The following ERI1 variants were observed in gnomAD, a reference collection of about 807,000 sequenced individuals.
ERI1 encodes the protein 3'-5' exoribonuclease 1.
In ERI1, 39 loss-of-function variants were observed where a neutral mutation model predicts 39.7. The observed-to-expected ratio is 0.98, with a 90% confidence interval of 0.76 to 1.28. The LOEUF (loss-of-function observed/expected upper bound fraction) is 1.28, where lower values mean the gene tolerates loss of function less well. ERI1 is among the 50% of genes most tolerant of loss of function. ERI1 has a pLI of 0.00. For missense variants in ERI1, 581 were observed against 416.9 expected (o/e 1.39, Z -3.43); for synonymous variants, 204 against 149.6 (o/e 1.36, Z -2.65).
chr8:9,042,209 A>G (rs962664284), intron 3 of ERI1, among the ~76,000 whole-genome samples: 1 of 152,220 alleles, frequency 6.6e-6, no homozygotes, highest in African/African-American at 2.4e-5. Context: ...TGGAGGCTGC[A>G]TTGCCAGAAT....
chr8:9,055,610 G>A (rs570284589), intron 3 of ERI1, among the ~76,000 whole-genome samples: 1 of 152,142 alleles, frequency 6.6e-6, no homozygotes, highest in African/African-American at 2.4e-5. Flanking sequence ...TGCGATCTCG[G>A]CTCACTGCAA....
intron 3 of ERI1, among the ~76,000 whole-genome samples, chr8:9,039,887 G>T (rs747080703): frequency 3.3e-5 from 5 of 152,100 alleles, no homozygotes; most frequent in Non-Finnish European, 7.4e-5. Context: ...AATGATTGTG[G>T]TCAGTTTTTT....
At chr8:9,024,186 CTG>C (rs570740054) in intron 6 of ERI1, among the ~76,000 whole-genome samples, 12 of 152,152 alleles carry the variant, frequency 7.9e-5, no homozygotes, top group East Asian at 1.9e-4. Context: ...AGGCAAATAA[CTG>C]TAATACATTT....
chr8:9,052,002 G>T (rs1173852339), intron 3 of ERI1, among the ~76,000 whole-genome samples: 1 of 152,198 alleles, frequency 6.6e-6, no homozygotes, highest in African/African-American at 2.4e-5. Context: ...TTAAACGGGG[G>T]CATGCCAGCC....
chr8:9,032,342 C>T lies in ERI1; in HGVS notation c.*2308C>T, dbSNP rs188892391. The T allele has an allele frequency of 6.6e-6, 1 of 152,176 alleles. No individual in the cohort carries two copies. The highest frequency in any genetic ancestry group is 1.5e-5 in the Non-Finnish European group (1 of 68,018). The allele number at this position is 152,176 out of a possible 1,614,324, so 9.4% of individuals were successfully genotyped here. A position where few individuals can be genotyped will look rare whatever the true frequency, so the allele number is the denominator to read the frequency against. ...CTGTGTTAACTTTTATTCTATGCTT[C>T]ATATGCTCTGACATTGACATAGTGG... On this transcript the variant is annotated 3_prime_UTR_variant, in exon 7 of 7. Coordinates refer to ENST00000250263, the MANE Select transcript of ERI1 (RefSeq NM_153332.4).
rs1009532482 is a variant in ERI1, at chr8:9,031,087, C to T, written c.*1053C>T. 6.6e-6 allele frequency: 1 copy of T among 152,082 alleles called. No homozygotes were observed. The highest frequency in any genetic ancestry group is 2.4e-5 in the African/African-American group (1 of 41,402). 9.4% of individuals were successfully genotyped at this position (152,082 alleles called of 1,614,324 possible). On this transcript the variant is annotated 3_prime_UTR_variant, in exon 7 of 7. Transcript: ENST00000250263. ...GTAAAACTCTTATCTAGAGGCTAAACCCATGTATTTTCAGAATTGAATTTT... is the reference window on the plus strand; with the variant it reads ...GTAAAACTCTTATCTAGAGGCTAAATCCATGTATTTTCAGAATTGAATTTT...
At chr8:9,079,346 A>C (rs1208007761) in intron 3 of ERI1, among the ~76,000 whole-genome samples, 1 of 152,220 alleles carries the variant, frequency 6.6e-6, no homozygotes, top group Non-Finnish European at 1.5e-5. Flanking sequence ...GAAAACACTA[A>C]CATGAGTTCA....
rs369441361 is a variant in ERI1, at chr8:9,031,124, C to T, written c.*1090C>T. ...CAGAATTGAATTTTTCTCCTTGTAG[C>T]TTTCAGGGAACAATTTCATTGACAT... On this transcript the variant is annotated 3_prime_UTR_variant, in exon 7 of 7. Transcript: ENST00000250263. 1 of 152,158 alleles carries T rather than the reference C, an allele frequency of 6.6e-6. No individual in the cohort carries two copies. The highest frequency in any genetic ancestry group is 1.5e-5 in the Non-Finnish European group (1 of 68,022). 9.4% of individuals were successfully genotyped at this position (152,158 alleles called of 1,614,324 possible).
chr8:9,010,873 T>C (rs1816594926), intron 2 of ERI1, among the ~76,000 whole-genome samples: 1 of 152,190 alleles, frequency 6.6e-6, no homozygotes, highest in Admixed American at 6.5e-5. Flanking sequence ...TGAAATCCCC[T>C]AAATCATATT....
At chr8:9,004,386 C>G (rs1815728760) in intron 1 of ERI1, 1 of 738,074 alleles carries the variant, frequency 1.4e-6, no homozygotes, top group South Asian at 2.6e-5. Context: ...AGTCTTGACA[C>G]TTTTACAGCT....
intron 3 of ERI1, among the ~76,000 whole-genome samples, chr8:9,095,026 G>A (rs1007665207): frequency 2.7e-4 from 41 of 152,080 alleles, no homozygotes; most frequent in African/African-American, 9.9e-4. Context: ...GGTGGGATAT[G>A]AATCCTGCCG....
downstream of ERI1, among the ~76,000 whole-genome samples, chr8:9,035,865 A>G (rs1473930675): frequency 6.6e-6 from 1 of 152,212 alleles, no homozygotes; most frequent in Non-Finnish European, 1.5e-5. Flanking sequence ...AGCATTTGTG[A>G]TTCGTGAGAG....
At chr8:9,060,223 G>C (rs760072583) in intron 3 of ERI1, among the ~76,000 whole-genome samples, 2 of 152,142 alleles carry the variant, frequency 1.3e-5, no homozygotes, top group African/African-American at 4.8e-5. Context: ...ACTGTATAGA[G>C]GTGGGAAGGC....
At chr8:9,018,268 T>C in intron 4 of ERI1, 29 bp from the exon 5 acceptor site, 1 of 1,403,046 alleles carries the variant, frequency 7.1e-7, no homozygotes, top group Non-Finnish European at 1.0e-6. Context: ...CAGCCCTGAT[T>C]TTTGTATATT....
chr8:9,040,737 G>A (rs1298801282), intron 3 of ERI1, among the ~76,000 whole-genome samples: 1 of 150,700 alleles, frequency 6.6e-6, no homozygotes, highest in African/African-American at 2.5e-5. Context: ...TGTGGGGGGG[G>A]GGTGTGTGTT....
intron 1 of ERI1, among the ~76,000 whole-genome samples, chr8:9,005,931 A>G (rs1815969052): frequency 6.6e-6 from 1 of 152,198 alleles, no homozygotes; most frequent in Non-Finnish European, 1.5e-5. Flanking sequence ...TTAATTGAAT[A>G]CGTGAATATT....
intron 6 of ERI1, among the ~76,000 whole-genome samples, chr8:9,025,657 C>G (rs1818392769): frequency 1.3e-5 from 2 of 151,294 alleles, no homozygotes; most frequent in African/African-American, 2.4e-5. Flanking sequence ...GTTAATAACT[C>G]TTTTTTGGGC....
At chr8:9,098,421 G>A (rs1020478678) in intron 3 of ERI1, among the ~76,000 whole-genome samples, 4 of 152,330 alleles carry the variant, frequency 2.6e-5, no homozygotes, top group East Asian at 1.9e-4. Context: ...TTGGGAGGCC[G>A]AAGCAAGAAT....
chr8:9,051,657 C>CAAAA (rs11439065), intron 3 of ERI1, among the ~76,000 whole-genome samples: 1 of 141,130 alleles, frequency 7.1e-6, no homozygotes. Flanking sequence ...GACCCTGTCT[C>CAAAA]AAAAAAAAAA....
Sources: allele counts gnomAD v4.1 joint callset (sites outside exome capture counted in the v4.1 genomes callset), GRCh38; gene constraint gnomAD v4.1.1; transcripts MANE v1.5; gene names NCBI Gene and HGNC (gene_info 2026-07-23, HGNC 2026-07-21).